The following MBNL3 variants were observed in gnomAD, a reference collection of about 807,000 sequenced individuals.
MBNL3 encodes muscleblind like splicing regulator 3.
Under a neutral mutation model 24.5 loss-of-function variants are expected in MBNL3, and 6 were observed. The ratio of observed to expected loss-of-function variants is 0.25; its 90% CI spans 0.13 to 0.48. MBNL3 has a LOEUF of 0.48. Among genes scored for constraint, MBNL3 ranks in the 20% least tolerant of loss-of-function variants. The probability of loss-of-function intolerance (pLI) is 0.99; values close to 1 mark genes in which losing one functional copy is unlikely to be tolerated. For synonymous variants in MBNL3, 100 were observed against 101.7 expected (o/e 0.98, Z 0.10); for missense variants, 230 against 293.5 (o/e 0.78, Z 1.58).
intron 2 of MBNL3, 58 bp from the exon 3 acceptor site, chrX:132,406,450 T>G: frequency 1.9e-6 from 2 of 1,039,989 alleles, no homozygotes; most frequent in East Asian, 3.3e-5. Context: ...TAGATAAATT[T>G]TGGACTCCAT....
intron 1 of MBNL3, among the ~76,000 whole-genome samples, chrX:132,455,876 C>T: frequency 8.9e-6 from 1 of 111,954 alleles, no homozygotes; most frequent in Middle Eastern, 4.6e-3. Context: ...GGGCCTGTGT[C>T]TTCCATTAAT....
At chrX:132,476,783 A>G (rs1309067264) in intron 1 of MBNL3, among the ~76,000 whole-genome samples, 1 of 111,744 alleles carries the variant, frequency 8.9e-6, no homozygotes, top group Non-Finnish European at 1.9e-5. Context: ...TAATTTGTCA[A>G]GCATCCCATA....
chrX:132,402,040 G>A (rs1011222859), intron 3 of MBNL3, among the ~76,000 whole-genome samples: 1 of 111,904 alleles, frequency 8.9e-6, no homozygotes, highest in East Asian at 2.8e-4. Context: ...ACTTGTTTAT[G>A]GCCTTCATGG....
At chrX:132,458,294 A>AGG (rs1465658565) in intron 1 of MBNL3, among the ~76,000 whole-genome samples, 3 of 108,157 alleles carry the variant, frequency 2.8e-5, no homozygotes, top group African/African-American at 1.0e-4. Context: ...TCCTGATGTT[A>AGG]TATACCCTTC....
intron 3 of MBNL3, among the ~76,000 whole-genome samples, chrX:132,399,407 A>G (rs1328563615): frequency 9.0e-6 from 1 of 110,925 alleles, no homozygotes; most frequent in Non-Finnish European, 1.9e-5. Context: ...CTAAATCCAT[A>G]CTAGAAGGTA....
intron 8 of MBNL3, chrX:132,381,225 G>T (rs1407710366): frequency 5.6e-6 from 2 of 359,143 alleles, no homozygotes; most frequent in Non-Finnish European, 9.4e-6. Context: ...AATTTATAAT[G>T]TGTAAATCAA....
At chrX:132,435,097 T>C (rs1945044078) in intron 2 of MBNL3, among the ~76,000 whole-genome samples, 2 of 111,564 alleles carry the variant, frequency 1.8e-5, no homozygotes, top group Admixed American at 1.9e-4. Context: ...ATGTATTTGT[T>C]TGGGTACCAT....
chrX:132,392,740 CTTCCTCT>C (rs1937389457), intron 3 of MBNL3, among the ~76,000 whole-genome samples: 1 of 110,963 alleles, frequency 9.0e-6, no homozygotes, highest in Non-Finnish European at 1.9e-5. Flanking sequence ...AGTCCCTTTC[CTTCCTCT>C]TTCCTCTTCA....
chrX:132,394,843 CT>C lies in MBNL3; in HGVS notation c.343-2510del, dbSNP rs754684049. On this transcript the variant is annotated intron_variant, in intron 3 of 8. Transcript: ENST00000370853. The stretch of plus-strand genomic sequence containing the variant: ...CTGCTTTCTTTGGAATACTTTTAAA[CT>C]TTCTTAGGTTTGTTATATGCTCCAA... Among the ~76,000 whole-genome samples, 9 of 111,276 alleles carry C rather than the reference CT, an allele frequency of 8.1e-5. No homozygotes were observed. The South Asian group carries it at 3.4e-3, about 42-fold the overall frequency.
intron 3 of MBNL3, among the ~76,000 whole-genome samples, chrX:132,402,894 G>A (rs985967207): frequency 2.3e-4 from 26 of 112,119 alleles, no homozygotes; most frequent in African/African-American, 8.1e-4. Flanking sequence ...TGCAAAGGCA[G>A]ATGTGCTCTT....
At chrX:132,396,533 C>CCTATATATATTCATATATATTCCT (rs1569424197) in intron 3 of MBNL3, among the ~76,000 whole-genome samples, 1 of 56,504 alleles carries the variant, frequency 1.8e-5, no homozygotes, top group Non-Finnish European at 2.8e-5. Context: ...TATATATATT[C>CCTATATATATTCATATATATTCCT]ATATATATAT....
At position 132,377,890 on chromosome X, in the gene MBNL3, T is replaced by G. The variant is rs936304708; in HGVS notation, c.*1776A>C. 4 of 110,074 alleles carry G rather than the reference T, an allele frequency of 3.6e-5. No individual in the cohort carries two copies. Among genetic ancestry groups the G allele is most frequent in the African/African-American group, 9.9e-5 (3 of 30,304 alleles). The allele number at this position is 110,074 out of a possible 1,213,427, so 9.1% of individuals were successfully genotyped here. ...TATTTACTAGAAAATATTAAATCTA[T>G]TACTTGATGTAAAATGTCATGTGTT... On this transcript the variant is annotated 3_prime_UTR_variant, in exon 9 of 9. Coordinates refer to ENST00000370853, the MANE Select transcript of MBNL3 (RefSeq NM_001386889.1).
rs747056945 is a variant in MBNL3, at chrX:132,408,827, TAAAG to T, written c.178-2439_178-2436del. Among the ~76,000 whole-genome samples, 17 of 112,358 alleles carry T rather than the reference TAAAG, an allele frequency of 1.5e-4. No homozygotes were observed. In the East Asian group the frequency reaches 4.5e-3, roughly 30 times the overall value. On this transcript the variant is annotated intron_variant, in intron 2 of 8. Transcript: ENST00000370853. The stretch of plus-strand genomic sequence containing the variant: ...ATGGAATATGAGGCAGCATGAGACT[TAAAG>T]AAACTTATTCATCTTAGTTATGAGA...
chrX:132,451,928 C>T (rs1320566432), intron 1 of MBNL3, among the ~76,000 whole-genome samples: 1 of 111,666 alleles, frequency 9.0e-6, no homozygotes, highest in African/African-American at 3.3e-5. Context: ...GGAGGGAGTT[C>T]CCTGACCCTT....
intron 1 of MBNL3, among the ~76,000 whole-genome samples, chrX:132,487,192 C>G (rs1360241300): frequency 9.1e-6 from 1 of 109,874 alleles, no homozygotes; most frequent in East Asian, 2.8e-4. Flanking sequence ...GGTCCGAAGT[C>G]TTTTAGCAGC....
chrX:132,475,653 G>GGA (rs1947402460), intron 1 of MBNL3, among the ~76,000 whole-genome samples: 1 of 111,985 alleles, frequency 8.9e-6, no homozygotes, highest in Admixed American at 9.4e-5. Context: ...ACCTATTACA[G>GGA]GACGTTTTTA....
Position 132,371,573 on chromosome X carries a change from ACAAC to A in MBNL3, c.*8089_*8092del, listed in dbSNP as rs1168428724. On this transcript the variant is annotated 3_prime_UTR_variant, in exon 9 of 9. Transcript: ENST00000370853. ...TGCCCATCTGGAAAGTATGAAATAA[ACAAC>A]ACTGGTTTCATATGTTACACTAGGG... 9.0e-6 allele frequency: 1 copy of A among 111,609 alleles called. No individual in the cohort carries two copies. Among genetic ancestry groups the A allele is most frequent in the Non-Finnish European group, 1.9e-5 (1 of 53,083 alleles). 9.2% of individuals were successfully genotyped at this position (111,609 alleles called of 1,213,427 possible).
At chrX:132,385,523 A>G (rs2148063426) in intron 6 of MBNL3, among the ~76,000 whole-genome samples, 1 of 111,332 alleles carries the variant, frequency 9.0e-6, no homozygotes, top group East Asian at 2.8e-4. Flanking sequence ...TTTCTCTTTT[A>G]CTCTGTAGAC....
intron 1 of MBNL3, among the ~76,000 whole-genome samples, chrX:132,479,298 G>A (rs1445641766): frequency 8.9e-6 from 1 of 111,991 alleles, no homozygotes; most frequent in Non-Finnish European, 1.9e-5. Flanking sequence ...ATACAGCTGT[G>A]TTGCTAATTA....
Sources: gnomAD v4.1 joint callset for allele counts (sites outside exome capture counted in the v4.1 genomes callset) on GRCh38, gnomAD v4.1.1 for gene constraint, MANE v1.5 for transcripts, NCBI Gene and HGNC (gene_info 2026-07-23, HGNC 2026-07-21) for gene names.